The following MEGF11 variants were observed in gnomAD, a reference collection of about 807,000 sequenced individuals.
MEGF11 encodes multiple epidermal growth factor-like domains protein 11.
MEGF11 carries 126 observed loss-of-function variants against 146.6 expected under a neutral mutation model. That is an observed-to-expected ratio of 0.86 (90% CI 0.74 to 1.00). MEGF11 has a LOEUF of 1.00. MEGF11 is among the 50% of genes least tolerant of loss of function. MEGF11 has a pLI of 0.00. For synonymous variants in MEGF11, 532 were observed against 583.4 expected (o/e 0.91, Z 1.27); for missense variants, 1,509 against 1,521.2 (o/e 0.99, Z 0.13).
chr15:66,181,931 A>C (rs1294265957), intron 1 of MEGF11, among the ~76,000 whole-genome samples: 1 of 152,078 alleles, frequency 6.6e-6, no homozygotes, highest in African/African-American at 2.4e-5. Context: ...CTCCTAGAGG[A>C]ATGTCCCCTT....
At chr15:66,034,396 TG>T (rs1392553224) in intron 5 of MEGF11, among the ~76,000 whole-genome samples, 6 of 18,156 alleles carry the variant, frequency 3.3e-4, no homozygotes, top group Middle Eastern at 0.062. Context: ...GGTGGAATGC[TG>T]GTTTTTTTTT....
chr15:65,935,564 C>T (rs2079752143), intron 10 of MEGF11, among the ~76,000 whole-genome samples: 1 of 152,180 alleles, frequency 6.6e-6, no homozygotes, highest in Admixed American at 6.5e-5. Flanking sequence ...CATCTGATCA[C>T]AGAAGTCTTC....
At chr15:65,979,438 C>T (rs990945800) in intron 7 of MEGF11, among the ~76,000 whole-genome samples, 45 of 152,324 alleles carry the variant, frequency 3.0e-4, no homozygotes, top group African/African-American at 9.4e-4. Flanking sequence ...CCTCTGCATT[C>T]GCAGCCTCCT....
At chr15:66,025,534 G>A (rs2083298457) in intron 5 of MEGF11, among the ~76,000 whole-genome samples, 1 of 152,114 alleles carries the variant, frequency 6.6e-6, no homozygotes, top group African/African-American at 2.4e-5. Flanking sequence ...TCAAGTCCTA[G>A]GTCTTAAAAG....
chr15:65,992,132 G>A (rs1306541714), intron 5 of MEGF11, among the ~76,000 whole-genome samples: 1 of 152,200 alleles, frequency 6.6e-6, no homozygotes, highest in Non-Finnish European at 1.5e-5. Flanking sequence ...TCAATGCCCT[G>A]AGCAAAGGCA....
Position 66,123,941 on chromosome 15 carries a change from C to G in MEGF11, c.158G>C (p.Arg53Pro), listed in dbSNP as rs778698597. Residue 53 changes from arginine to proline, a missense_variant, in exon 3 of 26, where the codon CGA becomes CCA. Transcript: ENST00000395614. ...GAACCAGTTGAGGATGTCTGTGCAT[C>G]GTGTGTAATAGATCTGATCGAAGGG... is the stretch of plus-strand genomic sequence containing the variant. The part of the protein sequence containing the change: ...AHPFDQIYYT[R>P]CTDILNWFKC... 4.3e-6 allele frequency: 7 copies of G among 1,614,018 alleles called. No individual in the cohort carries two copies. The highest frequency in any genetic ancestry group is 1.7e-6 in the Non-Finnish European group (2 of 1,179,890).
intron 1 of MEGF11, among the ~76,000 whole-genome samples, chr15:66,198,497 C>T (rs7180336): frequency 0.4 from 60,289 of 151,926 alleles, 12,390 homozygotes; most frequent in East Asian, 0.59. Flanking sequence ...TTTTGTTTTT[C>T]GTTTTTGAGA....
At chr15:65,976,361 T>C (rs1209001321) in intron 7 of MEGF11, among the ~76,000 whole-genome samples, 2 of 152,202 alleles carry the variant, frequency 1.3e-5, no homozygotes, top group Non-Finnish European at 2.9e-5. Flanking sequence ...TGCTGAAGTT[T>C]TAACCTCCAG....
chr15:66,142,371 A>G (rs1405831208), intron 1 of MEGF11, among the ~76,000 whole-genome samples: 1 of 152,228 alleles, frequency 6.6e-6, no homozygotes, highest in Non-Finnish European at 1.5e-5. Flanking sequence ...GGACATATCT[A>G]GACAGAACAG....
intron 24 of MEGF11, chr15:65,902,033 C>T (rs918288443): frequency 1.3e-5 from 2 of 152,234 alleles, no homozygotes; most frequent in Non-Finnish European, 2.9e-5. Flanking sequence ...CAAACTGTAT[C>T]TGCAGCAGCT....
rs1453356421 is a variant in MEGF11 at position 66,121,377 on chromosome 15, G to C, written c.201-2191C>G. ...CCACCTCCTCATTCCACAGTCAAAT[G>C]CTAGAGGAAGGGGATGCAGTAATAG... On this transcript the variant is annotated intron_variant, in intron 3 of 25. Coordinates refer to ENST00000395614, the MANE Select transcript of MEGF11 (RefSeq NM_001385028.1). 2.0e-5 allele frequency among the ~76,000 whole-genome samples: 3 copies of C among 152,218 alleles called. No homozygotes were observed. In the East Asian group the frequency reaches 5.8e-4, roughly 29 times the overall value.
Position 65,929,700 on chromosome 15 carries a change from C to G in MEGF11, c.1572+20G>C, listed in dbSNP as rs373150374. The G allele has an allele frequency of 1.7e-5, 27 of 1,545,898 alleles. No homozygotes were observed. The highest frequency in any genetic ancestry group is 3.6e-4 in the Middle Eastern group (2 of 5,534). ...AGGGGATGCGGAGCCCAACCTGTCCCTCCCCACCCTGGCACTCACCGGGCA... is the reference window on the plus strand; with the variant it reads ...AGGGGATGCGGAGCCCAACCTGTCCGTCCCCACCCTGGCACTCACCGGGCA... On this transcript the variant is annotated intron_variant, in intron 12 of 25. Coordinates refer to ENST00000395614, the MANE Select transcript of MEGF11 (RefSeq NM_001385028.1).
intron 4 of MEGF11, among the ~76,000 whole-genome samples, chr15:66,115,663 G>A (rs563044423): frequency 2.6e-4 from 40 of 152,192 alleles, no homozygotes; most frequent in African/African-American, 8.9e-4. Context: ...GTCTCAAGCC[G>A]CAGCACCTGA....
chr15:66,044,122 T>C (rs1218171368), intron 5 of MEGF11, among the ~76,000 whole-genome samples: 2 of 152,150 alleles, frequency 1.3e-5, no homozygotes, highest in East Asian at 3.9e-4. Flanking sequence ...ACCTCGACCC[T>C]TGGGGAGCTT....
At chr15:66,243,657 G>A (rs557340597) in intron 1 of MEGF11, among the ~76,000 whole-genome samples, 7 of 152,328 alleles carry the variant, frequency 4.6e-5, no homozygotes, top group African/African-American at 1.7e-4. Context: ...ATTTGCATAT[G>A]TAGATTGTTG....
chr15:65,915,872 TTAAAGAA>T (rs1228819306), intron 18 of MEGF11, among the ~76,000 whole-genome samples: 2 of 151,894 alleles, frequency 1.3e-5, no homozygotes, highest in African/African-American at 2.4e-5. Context: ...CATAGGGACT[TTAAAGAA>T]TAATAAAAAA....
chr15:65,965,148 C>A (rs376471839), intron 8 of MEGF11, 28 bp from the exon 9 acceptor site: 8 of 1,533,880 alleles, frequency 5.2e-6, no homozygotes, highest in Non-Finnish European at 6.2e-6. Flanking sequence ...GGGGCTGAGG[C>A]TGTGGGCCAG....
At chr15:66,170,393 G>A (rs1454679755) in intron 1 of MEGF11, among the ~76,000 whole-genome samples, 1 of 152,170 alleles carries the variant, frequency 6.6e-6, no homozygotes, top group Non-Finnish European at 1.5e-5. Context: ...TGCTCTATTT[G>A]GGGCCATTTC....
chr15:66,170,826 G>A (rs2090231042), intron 1 of MEGF11, among the ~76,000 whole-genome samples: 1 of 151,986 alleles, frequency 6.6e-6, no homozygotes, highest in African/African-American at 2.4e-5. Context: ...CCCTGTCCAG[G>A]AGGTGGTCAA....
Sources: allele counts gnomAD v4.1 joint callset (sites outside exome capture counted in the v4.1 genomes callset), GRCh38; gene constraint gnomAD v4.1.1; transcripts MANE v1.5; gene names NCBI Gene and HGNC (gene_info 2026-07-23, HGNC 2026-07-21).